The following PHF24 variants were observed in gnomAD, a reference collection of about 807,000 sequenced individuals.
PHF24 encodes PHD finger protein 24.
A neutral mutation model predicts 42.6 loss-of-function variants in PHF24; 25 were observed. The observed-to-expected ratio is 0.59, with a 90% CI of 0.43 to 0.82. The LOEUF (loss-of-function observed/expected upper bound fraction) is 0.82. PHF24 is among the 40% of genes least tolerant of loss of function. PHF24 has a pLI of 0.00. For synonymous variants in PHF24, 185 were observed against 204.8 expected, an observed-to-expected ratio of 0.90 and a Z score of 0.83; for missense variants, 470 against 538.1, an observed-to-expected ratio of 0.87 and a Z score of 1.25.
chr9:34,682,338 C>A, the PHF24 span, among the ~76,000 whole-genome samples: 1 of 151,962 alleles, frequency 6.6e-6, no homozygotes, highest in Non-Finnish European at 1.5e-5. Context: ...AAATAAATTT[C>A]TGTTGTTTAA....
At chr9:34,739,041 T>C in the PHF24 span, among the ~76,000 whole-genome samples, 3 of 152,226 alleles carry the variant, frequency 2.0e-5, no homozygotes, top group Admixed American at 2.0e-4. Flanking sequence ...TTCATTTTCA[T>C]GTACCATGAT....
At chr9:34,777,770 C>G in the PHF24 span, among the ~76,000 whole-genome samples, 1 of 152,208 alleles carries the variant, frequency 6.6e-6, no homozygotes, top group Non-Finnish European at 1.5e-5. Context: ...CTGCTGAGCT[C>G]CAGGACAGTG....
At chr9:34,928,116 TGA>T in the PHF24 span, among the ~76,000 whole-genome samples, 2 of 150,254 alleles carry the variant, frequency 1.3e-5, no homozygotes, top group Non-Finnish European at 2.9e-5. Flanking sequence ...CTTGGGAGGC[TGA>T]GACAGGAGAG....
chr9:34,880,386 G>C, the PHF24 span, among the ~76,000 whole-genome samples: 1 of 152,136 alleles, frequency 6.6e-6, no homozygotes, highest in South Asian at 2.1e-4. Flanking sequence ...TGGGCTAAAT[G>C]CTCCAATTAA....
At chr9:34,714,873 T>A in the PHF24 span, among the ~76,000 whole-genome samples, 3 of 152,118 alleles carry the variant, frequency 2.0e-5, no homozygotes, top group Non-Finnish European at 4.4e-5. Context: ...TTACCCTTAT[T>A]CATGCCATGA....
chr9:34,967,527 T>A lies in PHF24; in HGVS notation c.-4-3768T>A, dbSNP rs140974699. Among the ~76,000 whole-genome samples, 47 of 152,314 alleles carry A rather than the reference T, an allele frequency of 3.1e-4. No individual in the cohort carries two copies. In the East Asian group the frequency reaches 5.8e-3, roughly 19 times the overall value. On this transcript the variant is annotated intron_variant, in intron 1 of 7. Coordinates refer to ENST00000242315, the Ensembl canonical transcript of PHF24. ...GGGGTTTCTGAGGAAAACCTAGTGGTCTGGAAAATGTAATTGCTCATAATA... is the reference window on the plus strand; with the variant it reads ...GGGGTTTCTGAGGAAAACCTAGTGGACTGGAAAATGTAATTGCTCATAATA...
chr9:34,971,546 G>C (rs751972803), exon 2 of PHF24: 1 of 1,614,198 alleles, frequency 6.2e-7, no homozygotes, highest in Non-Finnish European at 8.5e-7. Context: ...GAGCGGCTCC[G>C]AGATGGGCGC....
chr9:34,855,252 T>A, the PHF24 span, among the ~76,000 whole-genome samples: 1 of 152,224 alleles, frequency 6.6e-6, no homozygotes, highest in South Asian at 2.1e-4. Context: ...ATCTTTTAAT[T>A]GGGGCATTTA....
the PHF24 span, among the ~76,000 whole-genome samples, chr9:34,675,057 C>G: frequency 1.3e-5 from 2 of 152,106 alleles, no homozygotes; most frequent in African/African-American, 4.8e-5. Context: ...GGGGTTTCAC[C>G]GTGTTGCCCA....
chr9:34,879,983 C>T, the PHF24 span, among the ~76,000 whole-genome samples: 3 of 152,332 alleles, frequency 2.0e-5, no homozygotes, highest in East Asian at 5.8e-4. Context: ...GGAAGCCCAT[C>T]AGACTAACAG....
the PHF24 span, among the ~76,000 whole-genome samples, chr9:34,913,344 C>A: frequency 6.6e-6 from 1 of 152,036 alleles, no homozygotes; most frequent in Non-Finnish European, 1.5e-5. Context: ...ATCTCAGTGA[C>A]CCCCCAAACA....
At chr9:34,669,408 G>C in the PHF24 span, among the ~76,000 whole-genome samples, 1 of 152,170 alleles carries the variant, frequency 6.6e-6, no homozygotes, top group Admixed American at 6.5e-5. Flanking sequence ...AATATGCTGA[G>C]AAGAGGAGTG....
the PHF24 span, among the ~76,000 whole-genome samples, chr9:34,936,226 G>A: frequency 3.3e-5 from 5 of 152,144 alleles, no homozygotes; most frequent in Non-Finnish European, 7.3e-5. Flanking sequence ...GCGCCGCCAC[G>A]CCTGACTGGT....
chr9:34,736,833 G>C, the PHF24 span, among the ~76,000 whole-genome samples: 2 of 152,184 alleles, frequency 1.3e-5, no homozygotes, highest in Admixed American at 6.5e-5. Flanking sequence ...TAAGCTAGAA[G>C]ACAGTGGAGT....
the PHF24 span, among the ~76,000 whole-genome samples, chr9:34,792,428 T>C: frequency 1.7e-4 from 26 of 152,158 alleles, no homozygotes; most frequent in African/African-American, 5.8e-4. Flanking sequence ...CCCAGCACTT[T>C]GGGAGGCTGA....
chr9:34,711,038 T>TTCAATAGTATTCTAAAC, the PHF24 span, among the ~76,000 whole-genome samples: 279 of 152,330 alleles, frequency 1.8e-3, no homozygotes, highest in Non-Finnish European at 3.2e-3. Context: ...ACAACCTAGT[T>TTCAATAGTATTCTAAAC]TGAATAATAC....
chr9:34,876,733 G>C, the PHF24 span, among the ~76,000 whole-genome samples: 29,296 of 152,104 alleles, frequency 0.19, 3,041 homozygotes, highest in South Asian at 0.29. Flanking sequence ...TGCATTGCTG[G>C]TGGGAATGTA....
the PHF24 span, among the ~76,000 whole-genome samples, chr9:34,713,840 C>T: frequency 6.6e-6 from 1 of 152,072 alleles, no homozygotes; most frequent in Non-Finnish European, 1.5e-5. Context: ...CAGCAAGCTC[C>T]TTACATCTTG....
At chr9:34,736,317 C>CT in the PHF24 span, among the ~76,000 whole-genome samples, 10 of 151,028 alleles carry the variant, frequency 6.6e-5, no homozygotes, top group Non-Finnish European at 4.4e-5. Flanking sequence ...AGAAAAACAA[C>CT]TTTTTTTTTG....
Sources: gnomAD v4.1 joint callset for allele counts (sites outside exome capture counted in the v4.1 genomes callset) on GRCh38, gnomAD v4.1.1 for gene constraint, MANE v1.5 for transcripts, NCBI Gene and HGNC (gene_info 2026-07-23, HGNC 2026-07-21) for gene names.